Variants in CNTNAP2 observed in about 807,000 individuals in gnomAD.
The protein encoded by CNTNAP2 is contactin associated protein 2.
In CNTNAP2, 98 loss-of-function variants were observed where a neutral mutation model predicts 155.2. The ratio of observed to expected loss-of-function variants is 0.63; its 90% confidence interval spans 0.54 to 0.75. The LOEUF (loss-of-function observed/expected upper bound fraction) is 0.75. Among genes scored for constraint, CNTNAP2 ranks in the 30% least tolerant of loss-of-function variants. The pLI is 0.00. For missense variants in CNTNAP2, 1,727 were observed against 1,688.1 expected, an observed-to-expected ratio of 1.02 and a Z score of -0.40; for synonymous variants, 651 against 631.2, an observed-to-expected ratio of 1.03 and a Z score of -0.47.
chr7:146,487,117 A>G (rs559414967), intron 1 of CNTNAP2, among the ~76,000 whole-genome samples: 5 of 152,330 alleles, frequency 3.3e-5, no homozygotes, highest in African/African-American at 7.2e-5. Context: ...CTTAATACGT[A>G]TAAGTCATGA....
At chr7:148,257,835 G>A (rs1270893480) in intron 20 of CNTNAP2, among the ~76,000 whole-genome samples, 1 of 152,114 alleles carries the variant, frequency 6.6e-6, no homozygotes, top group Non-Finnish European at 1.5e-5. Context: ...TGCTATGAGG[G>A]CTTCAGTCCA....
chr7:146,545,313 C>T (rs183165546), intron 1 of CNTNAP2, among the ~76,000 whole-genome samples: 94 of 151,646 alleles, frequency 6.2e-4, no homozygotes, highest in African/African-American at 2.2e-3. Context: ...CTCTTTGTAA[C>T]ACAAAAAAAC....
At chr7:146,739,166 T>C (rs1801668277) in intron 1 of CNTNAP2, among the ~76,000 whole-genome samples, 1 of 152,004 alleles carries the variant, frequency 6.6e-6, no homozygotes. Flanking sequence ...ATTTTCATCT[T>C]TCTACTAACT....
At chr7:148,039,643 C>T (rs1014714015) in intron 15 of CNTNAP2, among the ~76,000 whole-genome samples, 3 of 152,182 alleles carry the variant, frequency 2.0e-5, no homozygotes, top group African/African-American at 2.4e-5. Flanking sequence ...TTTGCACCAT[C>T]GTTGCTCAGC....
At chr7:146,128,905 T>C (rs1475320333) in intron 1 of CNTNAP2, among the ~76,000 whole-genome samples, 1 of 152,088 alleles carries the variant, frequency 6.6e-6, no homozygotes, top group Non-Finnish European at 1.5e-5. Flanking sequence ...AACTTACATA[T>C]CTGTATGAGT....
At chr7:147,545,690 A>G (rs576528393) in intron 11 of CNTNAP2, among the ~76,000 whole-genome samples, 1 of 152,292 alleles carries the variant, frequency 6.6e-6, no homozygotes, top group South Asian at 2.1e-4. Flanking sequence ...GCTGGGCCAT[A>G]TGCTGCCAGC....
At chr7:146,393,990 G>T (rs1208792538) in intron 1 of CNTNAP2, among the ~76,000 whole-genome samples, 1 of 152,060 alleles carries the variant, frequency 6.6e-6, no homozygotes, top group Non-Finnish European at 1.5e-5. Flanking sequence ...GACACAGTTG[G>T]CCAGTCAGCA....
chr7:147,437,625 A>G (rs1797573068), intron 10 of CNTNAP2, among the ~76,000 whole-genome samples: 1 of 152,124 alleles, frequency 6.6e-6, no homozygotes. Flanking sequence ...ATTTAAAGTC[A>G]GGTGATTCCT....
At chr7:146,121,326 G>A (rs1372822604) in intron 1 of CNTNAP2, among the ~76,000 whole-genome samples, 3 of 151,716 alleles carry the variant, frequency 2.0e-5, no homozygotes, top group East Asian at 3.9e-4. Context: ...TTTTATGATT[G>A]AAAGAGAAGA....
intron 9 of CNTNAP2, among the ~76,000 whole-genome samples, chr7:147,392,120 C>T (rs73475237): frequency 1.6e-3 from 239 of 152,126 alleles, no homozygotes; most frequent in African/African-American, 5.1e-3. Flanking sequence ...CTAAACTTTC[C>T]ACCAGAACAT....
At position 146,267,470 on chromosome 7, in the gene CNTNAP2, G is replaced by A. The variant is rs561174485; in HGVS notation, c.97+150497G>A. On this transcript the variant is annotated intron_variant, in intron 1 of 23. Transcript: ENST00000361727. The stretch of plus-strand genomic sequence containing the variant: ...ATAAATAGAAAATACCATTGCTATG[G>A]ACTGAATGTTTGTGTCCCCAACATT... Among the ~76,000 whole-genome samples the A allele has an allele frequency of 2.0e-5, 3 of 152,206 alleles. No individual in the cohort carries two copies. In the East Asian group the frequency reaches 5.8e-4, roughly 30 times the overall value.
intron 15 of CNTNAP2, among the ~76,000 whole-genome samples, chr7:148,076,742 C>T (rs961050204): frequency 9.2e-5 from 14 of 151,930 alleles, no homozygotes; most frequent in Non-Finnish European, 1.3e-4. Context: ...CGTGCCCGGC[C>T]GATAGCTCTG....
At chr7:148,271,426 C>T (rs1321103878) in intron 21 of CNTNAP2, among the ~76,000 whole-genome samples, 1 of 152,156 alleles carries the variant, frequency 6.6e-6, no homozygotes, top group Non-Finnish European at 1.5e-5. Context: ...TCTAACATTG[C>T]TAAATGTTCC....
intron 12 of CNTNAP2, among the ~76,000 whole-genome samples, chr7:147,591,011 A>G (rs1048678898): frequency 1.3e-5 from 2 of 152,186 alleles, no homozygotes; most frequent in Non-Finnish European, 2.9e-5. Flanking sequence ...TTCATTTGCC[A>G]ATCTAAATTT....
chr7:146,948,789 A>C (rs750754613), intron 3 of CNTNAP2, among the ~76,000 whole-genome samples: 2 of 152,174 alleles, frequency 1.3e-5, no homozygotes, highest in Admixed American at 6.6e-5. Flanking sequence ...GGTGGTGTAC[A>C]TGACAAAGCT....
chr7:146,450,903 T>A (rs866127557), intron 1 of CNTNAP2, among the ~76,000 whole-genome samples: 2 of 152,078 alleles, frequency 1.3e-5, no homozygotes, highest in Admixed American at 6.6e-5. Flanking sequence ...TCATAATTTG[T>A]AAATAGAGAT....
At chr7:146,423,680 G>A (rs1343670603) in intron 1 of CNTNAP2, among the ~76,000 whole-genome samples, 1 of 152,170 alleles carries the variant, frequency 6.6e-6, no homozygotes, top group Non-Finnish European at 1.5e-5. Context: ...TGGCCTCTTT[G>A]TGTCTCCAAG....
At chr7:147,788,561 G>C (rs1012383980) in intron 13 of CNTNAP2, among the ~76,000 whole-genome samples, 6 of 152,192 alleles carry the variant, frequency 3.9e-5, no homozygotes, top group Admixed American at 6.6e-5. Flanking sequence ...TAATGGCACT[G>C]TAGGTCCTTA....
chr7:146,279,951 A>G (rs1473921073), intron 1 of CNTNAP2, among the ~76,000 whole-genome samples: 1 of 151,412 alleles, frequency 6.6e-6, no homozygotes, highest in Non-Finnish European at 1.5e-5. Context: ...AGAATTATAA[A>G]TTACTATACG....
Sources: allele counts gnomAD v4.1 joint callset (sites outside exome capture counted in the v4.1 genomes callset), GRCh38; gene constraint gnomAD v4.1.1; transcripts MANE v1.5; gene names NCBI Gene and HGNC (gene_info 2026-07-23, HGNC 2026-07-21).